The following GAPVD1 variants were observed in gnomAD, a reference collection of about 807,000 sequenced individuals.
The protein encoded by GAPVD1 is GTPase-activating protein and VPS9 domain-containing protein 1.
GAPVD1 carries 35 observed loss-of-function variants against 155.5 expected under a neutral mutation model. The ratio of observed to expected loss-of-function variants is 0.23; its 90% CI spans 0.17 to 0.30. The LOEUF (loss-of-function observed/expected upper bound fraction) is 0.30, where lower values mean the gene tolerates loss of function less well. GAPVD1 is among the 10% of genes least tolerant of loss of function. The probability of loss-of-function intolerance (pLI) is 1.00; values close to 1 mark genes in which losing one functional copy is unlikely to be tolerated. For synonymous variants in GAPVD1, 636 were observed against 619.7 expected, an observed-to-expected ratio of 1.03 and a Z score of -0.39; for missense variants, 1,429 against 1,775.7, an observed-to-expected ratio of 0.80 and a Z score of 3.51.
chr9:125,319,233 G>A (rs753206123), intron 9 of GAPVD1, among the ~76,000 whole-genome samples: 2 of 151,538 alleles, frequency 1.3e-5, no homozygotes, highest in Non-Finnish European at 2.9e-5. Context: ...AATTAGCTGG[G>A]CTTGGTGGTG....
At position 125,337,301 on chromosome 9, in the gene GAPVD1, G is replaced by T; in HGVS notation, c.2587G>T (p.Ala863Ser). ...ACCAGATCCCCCAATCCTGGAAGGA[G>T]CTGTGGGAGGAAATGAGGCCAGGTT... ...PPPDPPILEG[A>S]VGGNEARLPN... is the part of the protein sequence containing the mutation. The change falls in exon 17 of 28, where the codon GCT becomes TCT. Residue 863 changes from alanine (A) to serine (S), a missense_variant. By Grantham distance (99) the Ala-to-Ser change is moderately conservative. Around this residue, in one of 4 missense-constraint regions of GAPVD1, gnomAD observed 699 missense variants for 826.0 expected, o/e 0.85. Coordinates refer to ENST00000297933, the MANE Select transcript of GAPVD1 (RefSeq NM_001282680.3). The T allele has an allele frequency of 1.2e-6, 2 of 1,614,144 alleles. No homozygotes were observed. The highest frequency in any genetic ancestry group is 1.3e-5 in the African/African-American group (1 of 75,042).
At chr9:125,319,882 G>A (rs1049393043) in intron 9 of GAPVD1, among the ~76,000 whole-genome samples, 8 of 152,002 alleles carry the variant, frequency 5.3e-5, no homozygotes, top group East Asian at 3.9e-4. Context: ...GGCATGAGCC[G>A]CCACCGCTCC....
chr9:125,297,835 T>C (rs956674185), intron 3 of GAPVD1, among the ~76,000 whole-genome samples: 4 of 152,168 alleles, frequency 2.6e-5, no homozygotes, highest in Non-Finnish European at 5.9e-5. Flanking sequence ...AACCTCCGCC[T>C]ACCAGGTTCA....
At chr9:125,351,688 G>C (rs191930453) in intron 23 of GAPVD1, among the ~76,000 whole-genome samples, 1 of 151,990 alleles carries the variant, frequency 6.6e-6, no homozygotes, top group African/African-American at 2.4e-5. Context: ...CTTTGACTCC[G>C]TGGCTCACAT....
At chr9:125,300,131 G>T (rs768928192) in intron 4 of GAPVD1, among the ~76,000 whole-genome samples, 1 of 121,786 alleles carries the variant, frequency 8.2e-6, no homozygotes, top group Non-Finnish European at 1.7e-5. Context: ...GCTATTTTTC[G>T]GGTTTAGAAA....
chr9:125,293,870 A>AT (rs1380353826), intron 2 of GAPVD1, among the ~76,000 whole-genome samples: 952 of 20,988 alleles, frequency 0.045, 56 homozygotes, highest in African/African-American at 0.18. Context: ...ATATATATAT[A>AT]TATATATATA....
intron 2 of GAPVD1, among the ~76,000 whole-genome samples, chr9:125,270,558 A>G (rs1834731061): frequency 6.6e-6 from 1 of 152,200 alleles, no homozygotes; most frequent in African/African-American, 2.4e-5. Flanking sequence ...TTTGTTTCAA[A>G]GCTGAAACCC....
chr9:125,360,585 G>A lies in GAPVD1; in HGVS notation c.4102G>A (p.Ala1368Thr). The change falls in exon 27 of 28, where the codon GCT (alanine) becomes ACT (threonine). Residue 1368 changes from alanine to threonine, a missense_variant. By Grantham distance (58) the Ala-to-Thr change is moderately conservative. Transcript: ENST00000297933. Reference protein sequence around the residue: ...SAQSEIRTISAYKTPRDKVQC... With the variant: ...SAQSEIRTISTYKTPRDKVQC... ...ACAATCAGAAATCAGGACAATAAGT[G>A]CTTATAAAACCCCCCGGGACAAAGT... 6.2e-7 allele frequency: 1 copy of A among 1,614,016 alleles called. No individual in the cohort carries two copies. Among genetic ancestry groups the A allele is most frequent in the Non-Finnish European group, 8.5e-7 (1 of 1,179,924 alleles).
intron 2 of GAPVD1, among the ~76,000 whole-genome samples, chr9:125,289,408 G>C (rs60236642): frequency 6.6e-6 from 1 of 152,244 alleles, no homozygotes; most frequent in Admixed American, 6.5e-5. Flanking sequence ...TGGTGCTTTG[G>C]GACAGGATGG....
chr9:125,344,142 GA>G (rs1848210904), intron 19 of GAPVD1, among the ~76,000 whole-genome samples: 1 of 152,122 alleles, frequency 6.6e-6, no homozygotes, highest in African/African-American at 2.4e-5. Context: ...ATGACTCATT[GA>G]AAGTTTTCAT....
chr9:125,350,250 C>CAT, intron 21 of GAPVD1, 45 bp from the exon 22 acceptor site: 1 of 1,071,468 alleles, frequency 9.3e-7, no homozygotes, highest in Middle Eastern at 2.0e-4. Flanking sequence ...AAAATGTGAC[C>CAT]ATATCTGGAT....
At chr9:125,356,637 T>C (rs1850120557) in intron 25 of GAPVD1, among the ~76,000 whole-genome samples, 1 of 152,030 alleles carries the variant, frequency 6.6e-6, no homozygotes, top group Non-Finnish European at 1.5e-5. Context: ...AAATTGCTGG[T>C]ACTATAGGTG....
At chr9:125,341,094 C>G in intron 17 of GAPVD1, 83 bp from the exon 18 acceptor site, 2 of 820,998 alleles carry the variant, frequency 2.4e-6, no homozygotes, top group Non-Finnish European at 4.3e-6. Context: ...CAAAACAAAA[C>G]AAAAACAAAC....
chr9:125,331,034 C>T (rs1845994454), intron 13 of GAPVD1, among the ~76,000 whole-genome samples: 1 of 151,054 alleles, frequency 6.6e-6, no homozygotes, highest in African/African-American at 2.4e-5. Context: ...GTGTTTTGTA[C>T]TTTGTCTTTT....
chr9:125,315,560 C>T (rs990332830), intron 9 of GAPVD1, among the ~76,000 whole-genome samples: 4 of 152,072 alleles, frequency 2.6e-5, no homozygotes, highest in South Asian at 2.1e-4. Flanking sequence ...CCTGAAAGAT[C>T]GTCTCAAAGG....
intron 15 of GAPVD1, chr9:125,336,787 A>C: frequency 2.0e-6 from 1 of 505,670 alleles, no homozygotes. Context: ...AGTAACAGGC[A>C]TGTAGATGCC....
At chr9:125,296,117 C>A (rs1352602732) in intron 3 of GAPVD1, among the ~76,000 whole-genome samples, 1 of 151,862 alleles carries the variant, frequency 6.6e-6, no homozygotes, top group Non-Finnish European at 1.5e-5. Flanking sequence ...TAAAAAAATT[C>A]TCTTAATGTT....
chr9:125,324,536 C>T (rs912914621), intron 11 of GAPVD1, among the ~76,000 whole-genome samples: 1 of 152,058 alleles, frequency 6.6e-6, no homozygotes, highest in Non-Finnish European at 1.5e-5. Flanking sequence ...TTGCGGTGAG[C>T]CAAGATCGTG....
Position 125,350,422 on chromosome 9 carries a change from C to G in GAPVD1, c.3409+18C>G, listed in dbSNP as rs376917533. On this transcript the variant is annotated intron_variant, in intron 22 of 27. Coordinates refer to ENST00000297933, the MANE Select transcript of GAPVD1 (RefSeq NM_001282680.3). ...CCCAGAAGGTAAATTGCTGCAGGATCGTTTAATTTTTCCTATGTTTATGGG... is the reference window on the plus strand; with the variant it reads ...CCCAGAAGGTAAATTGCTGCAGGATGGTTTAATTTTTCCTATGTTTATGGG... The G allele has an allele frequency of 1.7e-5, 26 of 1,489,290 alleles. No individual in the cohort carries two copies. Among genetic ancestry groups the G allele is most frequent in the Non-Finnish European group, 2.4e-5 (26 of 1,066,972 alleles). The allele number at this position is 1,489,290 out of a possible 1,614,324, so 92.3% of individuals were successfully genotyped here.
Sources: allele counts gnomAD v4.1 joint callset (sites outside exome capture counted in the v4.1 genomes callset), GRCh38; gene constraint gnomAD v4.1.1; regional missense constraint gnomAD v4.1.1; transcripts MANE v1.5; gene names NCBI Gene and HGNC (gene_info 2026-07-23, HGNC 2026-07-21).